The following INSR variants were observed in gnomAD, a reference collection of about 807,000 sequenced individuals.
INSR encodes the protein insulin receptor, also known as IR.
In INSR, 67 loss-of-function variants were observed where a neutral mutation model predicts 142.6. The ratio of observed to expected loss-of-function variants is 0.47; its 90% CI spans 0.39 to 0.58. INSR has a LOEUF of 0.58. Among genes scored for constraint, INSR ranks in the 20% least tolerant of loss-of-function variants. The pLI is 0.00. For missense variants in INSR, 1,248 were observed against 1,833.2 expected (o/e 0.68, Z 5.83); for synonymous variants, 756 against 743.1 (o/e 1.02, Z -0.28).
intron 2 of INSR, among the ~76,000 whole-genome samples, chr19:7,196,783 T>TA (rs760728667): frequency 4.7e-5 from 7 of 150,298 alleles, no homozygotes; most frequent in Admixed American, 6.6e-5. Context: ...TTCCAAAGTT[T>TA]AAAAAAAAAA....
rs751863761 is a variant in INSR at position 7,293,783 on chromosome 19, C to T, written c.100+9G>A. 23 of 1,355,306 alleles carry T rather than the reference C, an allele frequency of 1.7e-5. No homozygotes were observed. The Admixed American group carries it at 5.8e-4, about 34-fold the overall frequency. 84.0% of individuals were successfully genotyped at this position (1,355,306 alleles called of 1,614,324 possible). A position where few individuals can be genotyped will look rare whatever the true frequency, so the allele number is the denominator to read the frequency against. ...CGCTCCCCGCCCACGCCCGCGCCCCCAGACTCACCCTCTCCGGGGTACAGG... is the reference window on the plus strand; with the variant it reads ...CGCTCCCCGCCCACGCCCGCGCCCCTAGACTCACCCTCTCCGGGGTACAGG... On this transcript the variant is annotated intron_variant, in intron 1 of 21. Coordinates refer to ENST00000302850, the MANE Select transcript of INSR (RefSeq NM_000208.4).
At chr19:7,215,781 C>T (rs1396640974) in intron 2 of INSR, among the ~76,000 whole-genome samples, 1 of 151,750 alleles carries the variant, frequency 6.6e-6, no homozygotes, top group African/African-American at 2.4e-5. Flanking sequence ...GTTGGCCTGG[C>T]TGGTCTCAAA....
Position 7,184,296 on chromosome 19 carries a change from G to C in INSR, c.974+20C>G. ...TCCTTCTCCTCTCGGCTGCCCCCCAGACCCACATCCAGAACTCACTTGCTG... is the reference window on the plus strand; with the variant it reads ...TCCTTCTCCTCTCGGCTGCCCCCCACACCCACATCCAGAACTCACTTGCTG... On this transcript the variant is annotated intron_variant, in intron 3 of 21. Coordinates refer to ENST00000302850, the MANE Select transcript of INSR (RefSeq NM_000208.4). 6.2e-7 allele frequency: 1 copy of C among 1,609,812 alleles called. No individual in the cohort carries two copies. Among genetic ancestry groups the C allele is most frequent in the Non-Finnish European group, 8.5e-7 (1 of 1,177,064 alleles).
chr19:7,142,957 C>T lies in INSR; in HGVS notation c.2401G>A (p.Val801Met). 6.2e-7 allele frequency: 1 copy of T among 1,614,152 alleles called. No individual in the cohort carries two copies. The highest frequency in any genetic ancestry group is 8.5e-7 in the Non-Finnish European group (1 of 1,180,020). ...ATGACCAGCGACTCCTTGTTCACCACCTTCTCAAAAGGCCTGTGCTCCTCC... is the reference window on the plus strand; with the variant it reads ...ATGACCAGCGACTCCTTGTTCACCATCTTCTCAAAAGGCCTGTGCTCCTCC... ...SPEEHRPFEK[V>M]VNKESLVISG... Residue 801 changes from valine to methionine, a missense_variant, in exon 12 of 22, where the codon GTG (valine) becomes ATG (methionine). Val to Met is a conservative substitution (Grantham distance 21). Coordinates refer to ENST00000302850, the MANE Select transcript of INSR (RefSeq NM_000208.4).
intron 2 of INSR, among the ~76,000 whole-genome samples, chr19:7,235,588 G>A (rs1418335932): frequency 3.2e-5 from 3 of 93,750 alleles, no homozygotes; most frequent in African/African-American, 1.8e-4. Flanking sequence ...TGCAGCTCTC[G>A]CCTGTAATCC....
chr19:7,154,809 A>C (rs958951788), intron 9 of INSR, among the ~76,000 whole-genome samples: 1 of 151,886 alleles, frequency 6.6e-6, no homozygotes, highest in African/African-American at 2.4e-5. Flanking sequence ...CTGTAATCCC[A>C]GCTACTCAGG....
Position 7,225,500 on chromosome 19 carries a change from T to C in INSR, c.653-40863A>G, listed in dbSNP as rs74772455. On this transcript the variant is annotated intron_variant, in intron 2 of 21. Coordinates refer to ENST00000302850, the MANE Select transcript of INSR (RefSeq NM_000208.4). The surrounding 1 kb of genome is among the most constrained non-coding windows in gnomAD (Gnocchi z 4.7). Reference sequence around the variant, plus strand: ...GGCTTCCAAGAGGGAAGGACCTTTCTGTTTTCTTCCCTGTGGCTATGTCCT... The same window carrying C: ...GGCTTCCAAGAGGGAAGGACCTTTCCGTTTTCTTCCCTGTGGCTATGTCCT... Among the ~76,000 whole-genome samples, 153 of 152,180 alleles carry C rather than the reference T, an allele frequency of 1.0e-3. No individual in the cohort carries two copies. Among genetic ancestry groups the C allele is most frequent in the African/African-American group, 3.5e-3 (147 of 41,536 alleles).
intron 13 of INSR, among the ~76,000 whole-genome samples, chr19:7,134,461 T>TTG (rs1326339980): frequency 2.6e-5 from 4 of 151,780 alleles, no homozygotes; most frequent in Admixed American, 2.0e-4. Flanking sequence ...TTTTTTTTTT[T>TTG]TAATCATTAT....
At position 7,153,033 on chromosome 19, in the gene INSR, C is replaced by CCACACAT. The variant is rs1973429003; in HGVS notation, c.2030-107_2030-106insATGTGTG. ...ACACACCACACACACACACCACACA[C>CCACACAT]ACACACACCACACACCCCCCCACAC... On this transcript the variant is annotated intron_variant, in intron 9 of 21. Coordinates refer to ENST00000302850, the MANE Select transcript of INSR (RefSeq NM_000208.4). The CCACACAT allele has an allele frequency of 1.8e-5, 9 of 497,548 alleles. 1 individual carries two copies. The highest frequency in any genetic ancestry group is 1.4e-4 in the East Asian group (3 of 21,224). The allele number at this position is 497,548 out of a possible 1,614,324, so 30.8% of individuals were successfully genotyped here.
At position 7,125,237 on chromosome 19, in the gene INSR, G is replaced by T; in HGVS notation, c.3258+46C>A. 6.2e-7 allele frequency: 1 copy of T among 1,612,160 alleles called. No homozygotes were observed. The highest frequency in any genetic ancestry group is 8.5e-7 in the Non-Finnish European group (1 of 1,179,564). ...TGCAGGAGGAGGAGGCAGAGAAAGG[G>T]AAGGGTCAGGAAAGCCAGCCCATGT... On this transcript the variant is annotated intron_variant, in intron 17 of 21. Coordinates refer to ENST00000302850, the MANE Select transcript of INSR (RefSeq NM_000208.4). This position sits in a 1 kb window ranked among gnomAD's most constrained non-coding sequence, Gnocchi z 4.9.
At chr19:7,270,716 C>T (rs1178353336) in intron 1 of INSR, among the ~76,000 whole-genome samples, 2 of 152,050 alleles carry the variant, frequency 1.3e-5, no homozygotes, top group Non-Finnish European at 2.9e-5. Context: ...TGTGATCACA[C>T]CACTGCACTC....
chr19:7,177,184 G>C (rs1214503204), intron 3 of INSR, among the ~76,000 whole-genome samples: 3 of 152,174 alleles, frequency 2.0e-5, no homozygotes, highest in East Asian at 3.8e-4. Context: ...TCCAAGCCAA[G>C]CTGAGCACCA....
At chr19:7,282,462 G>A (rs150720687) in intron 1 of INSR, among the ~76,000 whole-genome samples, 2 of 151,904 alleles carry the variant, frequency 1.3e-5, no homozygotes, top group Admixed American at 6.6e-5. Flanking sequence ...GCAGGTGGGT[G>A]GCTTGAGGTC....
intron 13 of INSR, among the ~76,000 whole-genome samples, chr19:7,135,060 G>C (rs1262531403): frequency 6.8e-6 from 1 of 147,296 alleles, no homozygotes; most frequent in East Asian, 2.0e-4. Flanking sequence ...TTTAGGAGGG[G>C]GGTGGAGAGT....
In INSR at chr19:7,251,145, T is replaced by C. The variant is rs969557590; in HGVS notation, c.652+16200A>G. Among the ~76,000 whole-genome samples, 34 of 151,856 alleles carry C rather than the reference T, an allele frequency of 2.2e-4. 1 individual carries two copies. The highest frequency in any genetic ancestry group is 8.2e-4 in the African/African-American group (34 of 41,316). On this transcript the variant is annotated intron_variant, in intron 2 of 21. Coordinates refer to ENST00000302850, the MANE Select transcript of INSR (RefSeq NM_000208.4). ...AGCAGTACACACACATTCCCTGGAGTTGTGACAACCAAAAAATATCTCCAG... is the reference window on the plus strand; with the variant it reads ...AGCAGTACACACACATTCCCTGGAGCTGTGACAACCAAAAAATATCTCCAG...
At chr19:7,128,671 G>A (rs1210289485) in intron 15 of INSR, among the ~76,000 whole-genome samples, 181 bp downstream of exon 15, 3 of 151,812 alleles carry the variant, frequency 2.0e-5, no homozygotes, top group African/African-American at 4.8e-5. Flanking sequence ...ACTGTCTAGA[G>A]GGAATTTACA....
chr19:7,219,504 G>A (rs1225971002), intron 2 of INSR, among the ~76,000 whole-genome samples: 5 of 135,220 alleles, frequency 3.7e-5, no homozygotes, highest in African/African-American at 1.4e-4. Context: ...AAGGAGGGAG[G>A]GAGGGAACGA....
rs755906677 is a variant in INSR, at chr19:7,166,204, C to T, written c.1811G>A (p.Arg604Gln). Reference sequence around the variant, plus strand: ...GATGTCACTCTTGGCCCCATAGGTCCGGCGTTCATCCGAAAAGGTGACCAG... The same window carrying T: ...GATGTCACTCTTGGCCCCATAGGTCTGGCGTTCATCCGAAAAGGTGACCAG... ...KTLVTFSDER[R>Q]TYGAKSDIIY... The change falls in exon 8 of 22, where the codon CGG becomes CAG. Residue 604 changes from arginine to glutamine, a missense_variant. Transcript: ENST00000302850. This position sits in a 1 kb window ranked among gnomAD's most constrained non-coding sequence, Gnocchi z 4.1. 1.6e-5 allele frequency: 26 copies of T among 1,613,958 alleles called. No homozygotes were observed. Among genetic ancestry groups the T allele is most frequent in the African/African-American group, 2.7e-5 (2 of 74,890 alleles).
intron 2 of INSR, among the ~76,000 whole-genome samples, chr19:7,249,818 C>T (rs373187274): frequency 4.6e-5 from 7 of 152,094 alleles, no homozygotes; most frequent in East Asian, 3.8e-4. Flanking sequence ...GGGTGAAACC[C>T]CGTCTCTACT....
Sources: allele counts gnomAD v4.1 joint callset (sites outside exome capture counted in the v4.1 genomes callset), GRCh38; gene constraint gnomAD v4.1.1; non-coding constraint Gnocchi (gnomAD v3.1); transcripts MANE v1.5; gene names NCBI Gene and HGNC (gene_info 2026-07-23, HGNC 2026-07-21).